RORA: variants seen among roughly 807,000 people sequenced by gnomAD.
RORA encodes RAR related orphan receptor A.
A neutral mutation model predicts 69.5 loss-of-function variants in RORA; 7 were observed. That is an observed-to-expected ratio of 0.10 (90% confidence interval 0.06 to 0.19). RORA has a LOEUF of 0.19. RORA is among the 10% of genes least tolerant of loss of function. The pLI, the probability that RORA is intolerant of heterozygous loss-of-function variation, is 1.00. For synonymous variants in RORA, 261 were observed against 240.8 expected, an observed-to-expected ratio of 1.08 and a Z score of -0.78; for missense variants, 457 against 663.0, an observed-to-expected ratio of 0.69 and a Z score of 3.41.
intron 1 of RORA, among the ~76,000 whole-genome samples, chr15:60,713,714 C>T (rs894398447): frequency 6.6e-5 from 10 of 152,154 alleles, no homozygotes; most frequent in Admixed American, 1.3e-4. Context: ...AGGAAGTGAA[C>T]GTCTCCATGC....
intron 5 of RORA, among the ~76,000 whole-genome samples, chr15:60,509,140 C>T (rs2065609840): frequency 6.6e-6 from 1 of 152,076 alleles, no homozygotes; most frequent in Non-Finnish European, 1.5e-5. Flanking sequence ...AAAGAAATAC[C>T]AGGGAAATTT....
chr15:60,965,961 A>G (rs1283135151), intron 1 of RORA, among the ~76,000 whole-genome samples: 2 of 152,220 alleles, frequency 1.3e-5, no homozygotes, highest in African/African-American at 4.8e-5. Context: ...GCCATAACCA[A>G]GTAACCATAA....
intron 1 of RORA, among the ~76,000 whole-genome samples, chr15:61,186,964 C>G (rs1405408969): frequency 2.6e-5 from 4 of 152,218 alleles, no homozygotes; most frequent in Non-Finnish European, 5.9e-5. Context: ...TTGGAGGCAG[C>G]TGAGAGGTGA....
intron 1 of RORA, among the ~76,000 whole-genome samples, chr15:61,091,495 C>A (rs1050190856): frequency 6.6e-6 from 1 of 152,182 alleles, no homozygotes; most frequent in Non-Finnish European, 1.5e-5. Context: ...GGGCTTGGCA[C>A]ACACACTCCC....
intron 5 of RORA, among the ~76,000 whole-genome samples, chr15:60,506,102 C>T (rs886174379): frequency 6.6e-6 from 1 of 152,216 alleles, no homozygotes; most frequent in Non-Finnish European, 1.5e-5. Context: ...AATTGCAGAA[C>T]AAGCATTACT....
intron 2 of RORA, chr15:60,544,692 C>T: frequency 6.6e-6 from 1 of 151,776 alleles, no homozygotes. Flanking sequence ...TTTTTTTCCC[C>T]TCTCTTTGAA....
intron 1 of RORA, among the ~76,000 whole-genome samples, chr15:60,733,049 T>A (rs182223808): frequency 1.3e-4 from 20 of 152,352 alleles, no homozygotes; most frequent in African/African-American, 4.8e-4. Context: ...GCCGGCCCCT[T>A]TATTGCCAAG....
intron 1 of RORA, among the ~76,000 whole-genome samples, chr15:60,812,593 A>G (rs2072759481): frequency 2.0e-5 from 3 of 152,232 alleles, no homozygotes; most frequent in Admixed American, 1.3e-4. Flanking sequence ...TGGCACAAAG[A>G]AAGAGCTCAG....
chr15:60,622,430 T>A (rs993361349), intron 2 of RORA, among the ~76,000 whole-genome samples: 1 of 151,912 alleles, frequency 6.6e-6, no homozygotes, highest in Non-Finnish European at 1.5e-5. Context: ...CTGGGGAACA[T>A]GTGAAACCCC....
intron 1 of RORA, among the ~76,000 whole-genome samples, chr15:60,797,050 CTA>C (rs2072509073): frequency 6.8e-6 from 1 of 147,188 alleles, no homozygotes; most frequent in South Asian, 2.1e-4. Context: ...ATTATATTAT[CTA>C]TATATTTATT....
chr15:60,978,136 CAT>C (rs1391080952), intron 1 of RORA, among the ~76,000 whole-genome samples: 1 of 151,644 alleles, frequency 6.6e-6, no homozygotes, highest in Non-Finnish European at 1.5e-5. Flanking sequence ...TTTTCTTCAT[CAT>C]CATCATCATC....
intron 2 of RORA, among the ~76,000 whole-genome samples, chr15:60,573,392 A>G (rs2067937966): frequency 6.6e-6 from 1 of 152,212 alleles, no homozygotes; most frequent in African/African-American, 2.4e-5. Context: ...CAGAAACCCA[A>G]ATCATAACAC....
At position 60,699,860 on chromosome 15, in the gene RORA, C is replaced by A. The variant is rs2613617; in HGVS notation, c.167-21174G>T. Among the ~76,000 whole-genome samples, 1,328 of 151,744 alleles carry A rather than the reference C, an allele frequency of 8.8e-3. 25 individuals carry two copies. The highest frequency in any genetic ancestry group is 0.031 in the African/African-American group (1,278 of 41,364). On this transcript the variant is annotated intron_variant, in intron 1 of 10. Transcript: ENST00000335670. ...CTGATTCTATTAAAAAAAAAAAGACCCCTTGTGCTATTTATACAAGCTTGT... is the reference window on the plus strand; with the variant it reads ...CTGATTCTATTAAAAAAAAAAAGACACCTTGTGCTATTTATACAAGCTTGT...
intron 3 of RORA, among the ~76,000 whole-genome samples, chr15:60,521,247 A>ATTTT (rs34311504): frequency 2.8e-5 from 4 of 145,038 alleles, no homozygotes; most frequent in African/African-American, 7.6e-5. Flanking sequence ...AAAAATTGTC[A>ATTTT]TTTTTTTTTT....
At chr15:60,532,044 T>C (rs2066540714) in intron 2 of RORA, among the ~76,000 whole-genome samples, 193 bp from the exon 3 acceptor site, 1 of 152,162 alleles carries the variant, frequency 6.6e-6, no homozygotes, top group Non-Finnish European at 1.5e-5. Flanking sequence ...ATATAATAGC[T>C]TTCGGGTTAT....
intron 2 of RORA, among the ~76,000 whole-genome samples, chr15:60,673,274 CTA>C (rs1295179187): frequency 9.2e-5 from 14 of 152,172 alleles, no homozygotes; most frequent in Non-Finnish European, 1.6e-4. Context: ...GGCTTTAAGA[CTA>C]TGCAAATCTT....
rs2079158997 is a variant in RORA at position 61,128,176 on chromosome 15, T to A, written c.166+100877A>T. Among the ~76,000 whole-genome samples the A allele has an allele frequency of 6.6e-6, 1 of 151,480 alleles. No individual in the cohort carries two copies. The highest frequency in any genetic ancestry group is 1.5e-5 in the Non-Finnish European group (1 of 67,860). ...GAATGATTTGTATATTTTCCCTATATCATAATTGCTGTGTGTGTGTATGCA... is the reference window on the plus strand; with the variant it reads ...GAATGATTTGTATATTTTCCCTATAACATAATTGCTGTGTGTGTGTATGCA... On this transcript the variant is annotated intron_variant, in intron 1 of 10. Coordinates refer to ENST00000335670, the MANE Select transcript of RORA (RefSeq NM_134261.3). The surrounding 1 kb of genome is among the most constrained non-coding windows in gnomAD (Gnocchi z 4.5).
At chr15:60,648,115 G>A (rs2070084135) in intron 2 of RORA, among the ~76,000 whole-genome samples, 1 of 152,264 alleles carries the variant, frequency 6.6e-6, no homozygotes, top group South Asian at 2.1e-4. Flanking sequence ...ACACGCTTTA[G>A]AAAGCATGAC....
intron 1 of RORA, chr15:60,682,276 T>A (rs1168741689): frequency 2.0e-5 from 3 of 152,218 alleles, no homozygotes; most frequent in African/African-American, 7.2e-5. Flanking sequence ...TGAATTACCA[T>A]GTGATAGTGA....
Sources: gnomAD v4.1 joint callset for allele counts (sites outside exome capture counted in the v4.1 genomes callset) on GRCh38, gnomAD v4.1.1 for gene constraint, Gnocchi (gnomAD v3.1) non-coding constraint, MANE v1.5 for transcripts, NCBI Gene and HGNC (gene_info 2026-07-23, HGNC 2026-07-21) for gene names.